Variants in TRERF1 observed in about 807,000 individuals in gnomAD.
TRERF1 encodes the protein transcriptional regulating factor 1, also known as transcriptional-regulating factor 1.
A neutral mutation model predicts 122.9 loss-of-function variants in TRERF1; 27 were observed. That is an observed-to-expected ratio of 0.22 (90% CI 0.16 to 0.30). TRERF1 has a LOEUF of 0.30. TRERF1 is among the 10% of genes least tolerant of loss of function. The pLI, the probability that TRERF1 is intolerant of heterozygous loss-of-function variation, is 1.00. For synonymous variants in TRERF1, 636 were observed against 641.7 expected, an observed-to-expected ratio of 0.99 and a Z score of 0.13; for missense variants, 1,248 against 1,560.3, an observed-to-expected ratio of 0.80 and a Z score of 3.37.
exon 16 of TRERF1, chr6:42,236,213 A>C (rs1322970067): frequency 7.6e-6 from 12 of 1,584,946 alleles, no homozygotes; most frequent in Non-Finnish European, 1.0e-5. Flanking sequence ...ACAGCCCCAC[A>C]GTTGGGCATT....
At chr6:42,301,517 C>T (rs796110015) in intron 3 of TRERF1, among the ~76,000 whole-genome samples, 7 of 152,284 alleles carry the variant, frequency 4.6e-5, no homozygotes, top group African/African-American at 1.7e-4. Context: ...CGTGGGCCAC[C>T]GTGCCCAGCC....
intron 3 of TRERF1, among the ~76,000 whole-genome samples, chr6:42,314,870 A>T (rs140931187): frequency 7.7e-4 from 118 of 152,342 alleles, no homozygotes; most frequent in African/African-American, 2.6e-3. Flanking sequence ...AAGGTCAGAG[A>T]TTCTAAACGT....
chr6:42,334,063 ACACATG>A (rs1765721271), intron 3 of TRERF1, among the ~76,000 whole-genome samples: 1 of 152,180 alleles, frequency 6.6e-6, no homozygotes, highest in Non-Finnish European at 1.5e-5. Flanking sequence ...ATGTACATAT[ACACATG>A]CACATACACA....
At chr6:42,392,945 C>CACACACACACACAA (rs1778002968) in intron 2 of TRERF1, among the ~76,000 whole-genome samples, 2 of 151,512 alleles carry the variant, frequency 1.3e-5, no homozygotes, top group African/African-American at 4.8e-5. Flanking sequence ...CACACACACA[C>CACACACACACACAA]ACACACACAC....
intron 16 of TRERF1, among the ~76,000 whole-genome samples, chr6:42,234,130 T>A (rs1771511939): frequency 6.6e-6 from 1 of 152,056 alleles, no homozygotes; most frequent in East Asian, 1.9e-4. Context: ...TATGATAAAT[T>A]CCAGACACTG....
intron 3 of TRERF1, among the ~76,000 whole-genome samples, chr6:42,316,857 T>G (rs570722340): frequency 6.6e-6 from 1 of 152,288 alleles, no homozygotes; most frequent in South Asian, 2.1e-4. Context: ...TTATAATCCC[T>G]TGCTACTCAT....
At chr6:42,306,453 G>C (rs1787277700) in intron 3 of TRERF1, among the ~76,000 whole-genome samples, 1 of 152,216 alleles carries the variant, frequency 6.6e-6, no homozygotes, top group African/African-American at 2.4e-5. Flanking sequence ...GCTCATTCCA[G>C]AGCACAGAAG....
chr6:42,371,107 C>T (rs543881907), intron 2 of TRERF1, among the ~76,000 whole-genome samples: 1 of 152,282 alleles, frequency 6.6e-6, no homozygotes, highest in Admixed American at 6.5e-5. Context: ...TTTTACAAGG[C>T]AGTGAAGAGG....
chr6:42,285,093 T>C (rs35191814), intron 4 of TRERF1, among the ~76,000 whole-genome samples: 4,165 of 152,346 alleles, frequency 0.027, 56 homozygotes, highest in Non-Finnish European at 0.037. Flanking sequence ...TTTCACGATA[T>C]TGAGTTCTTC....
At chr6:42,422,089 T>C (rs1198077839) in intron 2 of TRERF1, among the ~76,000 whole-genome samples, 1 of 151,790 alleles carries the variant, frequency 6.6e-6, no homozygotes, top group African/African-American at 2.4e-5. Context: ...GAAGAATCGT[T>C]TGAACCCAGG....
intron 2 of TRERF1, among the ~76,000 whole-genome samples, chr6:42,398,589 C>T (rs1193630428): frequency 6.6e-6 from 1 of 152,158 alleles, no homozygotes; most frequent in Non-Finnish European, 1.5e-5. Context: ...GCCCCTCCAA[C>T]TCCAAAGAAA....
intron 2 of TRERF1, among the ~76,000 whole-genome samples, chr6:42,419,852 C>T (rs1476133832): frequency 6.6e-6 from 1 of 152,148 alleles, no homozygotes; most frequent in Non-Finnish European, 1.5e-5. Context: ...TTAACCTGTC[C>T]TCCAATGGCC....
chr6:42,246,348 C>T, intron 14 of TRERF1, 108 bp downstream of exon 14: 1 of 874,844 alleles, frequency 1.1e-6, no homozygotes, highest in South Asian at 1.7e-5. Context: ...GTGTGGAAGA[C>T]ATCCTTTTTG....
intron 2 of TRERF1, among the ~76,000 whole-genome samples, chr6:42,434,503 T>G (rs911493156): frequency 1.3e-5 from 2 of 151,816 alleles, no homozygotes; most frequent in Non-Finnish European, 2.9e-5. Context: ...GAATGACATT[T>G]CCAAAGGACT....
At chr6:42,249,439 T>C (rs141810615) in intron 13 of TRERF1, among the ~76,000 whole-genome samples, 43 of 152,300 alleles carry the variant, frequency 2.8e-4, no homozygotes, top group East Asian at 2.7e-3. Context: ...TGTCCCTTCA[T>C]GTTTCCAAAT....
intron 2 of TRERF1, among the ~76,000 whole-genome samples, chr6:42,387,214 A>T (rs898192506): frequency 2.6e-5 from 4 of 152,252 alleles, no homozygotes; most frequent in African/African-American, 9.6e-5. Flanking sequence ...TGCCCCAAGA[A>T]ATGTTATCTA....
At chr6:42,286,099 T>G (rs1000587523) in intron 4 of TRERF1, among the ~76,000 whole-genome samples, 19 of 150,580 alleles carry the variant, frequency 1.3e-4, no homozygotes, top group Non-Finnish European at 2.7e-4. Context: ...TGTAGAAAGC[T>G]GAAACTGGAT....
intron 3 of TRERF1, among the ~76,000 whole-genome samples, chr6:42,312,125 T>C (rs1035745234): frequency 2.0e-5 from 3 of 152,034 alleles, no homozygotes; most frequent in Non-Finnish European, 4.4e-5. Context: ...TGTGGTTGGA[T>C]AGAAGACAGC....
chr6:42,261,184 A>C (rs1013524628), intron 8 of TRERF1, among the ~76,000 whole-genome samples: 1 of 152,150 alleles, frequency 6.6e-6, no homozygotes, highest in Non-Finnish European at 1.5e-5. Flanking sequence ...GCCCCCCCCA[A>C]GGGGAGCAGC....
Sources: gnomAD v4.1 joint callset for allele counts (sites outside exome capture counted in the v4.1 genomes callset) on GRCh38, gnomAD v4.1.1 for gene constraint, MANE v1.5 for transcripts, NCBI Gene and HGNC (gene_info 2026-07-23, HGNC 2026-07-21) for gene names.